The following LRRC4C variants were observed in gnomAD, a reference collection of about 807,000 sequenced individuals.
LRRC4C encodes the protein leucine rich repeat containing 4C.
LRRC4C carries 5 observed loss-of-function variants against 33.6 expected under a neutral mutation model. The observed-to-expected ratio is 0.15, with a 90% confidence interval of 0.08 to 0.31. The LOEUF is 0.31. Among genes scored for constraint, LRRC4C ranks in the 10% least tolerant of loss-of-function variants. The pLI, the probability that LRRC4C is intolerant of heterozygous loss-of-function variation, is 1.00. For missense variants in LRRC4C, 560 were observed against 796.7 expected (o/e 0.70, Z 3.58); for synonymous variants, 329 against 302.0 (o/e 1.09, Z -0.93).
intron 1 of LRRC4C, among the ~76,000 whole-genome samples, chr11:41,030,262 G>C (rs1856637747): frequency 1.3e-5 from 2 of 151,796 alleles, no homozygotes; most frequent in South Asian, 4.1e-4. Context: ...CATTATTTTT[G>C]CATGCAGAGC....
intron 3 of LRRC4C, among the ~76,000 whole-genome samples, chr11:40,391,385 A>G (rs1026325271): frequency 6.6e-6 from 1 of 152,316 alleles, no homozygotes; most frequent in South Asian, 2.1e-4. Flanking sequence ...CACCAACATC[A>G]TAATCTCTGT....
intron 2 of LRRC4C, among the ~76,000 whole-genome samples, chr11:40,849,419 T>A (rs912108269): frequency 6.6e-6 from 1 of 152,200 alleles, no homozygotes; most frequent in Non-Finnish European, 1.5e-5. Flanking sequence ...TGGGTGGATA[T>A]GAAATTCTAC....
At chr11:40,407,293 C>G (rs145724252) in intron 3 of LRRC4C, among the ~76,000 whole-genome samples, 1 of 152,178 alleles carries the variant, frequency 6.6e-6, no homozygotes, top group African/African-American at 2.4e-5. Context: ...CACACATGAG[C>G]CAAACTACAG....
chr11:40,803,897 T>C (rs1223366501), intron 2 of LRRC4C, among the ~76,000 whole-genome samples: 4 of 152,224 alleles, frequency 2.6e-5, no homozygotes, highest in African/African-American at 9.6e-5. Context: ...CACTCAAGCA[T>C]TTATCCTTTG....
intron 4 of LRRC4C, chr11:40,293,066 T>A (rs1422061301): frequency 6.6e-6 from 1 of 152,016 alleles, no homozygotes; most frequent in East Asian, 1.9e-4. Flanking sequence ...CACAACCCAG[T>A]GCGCAATTGA....
At chr11:41,373,243 T>C (rs544640264) in intron 1 of LRRC4C, among the ~76,000 whole-genome samples, 5 of 152,232 alleles carry the variant, frequency 3.3e-5, no homozygotes, top group African/African-American at 1.2e-4. Context: ...ATATATATAC[T>C]GTATTTGACA....
intron 1 of LRRC4C, among the ~76,000 whole-genome samples, chr11:41,239,387 C>CA (rs1170586291): frequency 1.3e-5 from 2 of 149,668 alleles, no homozygotes; most frequent in African/African-American, 4.9e-5. Context: ...GAGTAATTGC[C>CA]AAAATACTAT....
chr11:41,419,336 A>T (rs116120375), intron 1 of LRRC4C, among the ~76,000 whole-genome samples: 1,848 of 151,986 alleles, frequency 0.012, 39 homozygotes, highest in African/African-American at 0.043. Context: ...ATATAGGCTA[A>T]CTGTCCTTCC....
intron 3 of LRRC4C, among the ~76,000 whole-genome samples, chr11:40,530,603 T>C (rs367966873): frequency 1.1e-4 from 16 of 152,266 alleles, no homozygotes; most frequent in African/African-American, 3.6e-4. Flanking sequence ...GGAATAAACT[T>C]CAACAATGCC....
chr11:40,778,789 G>A (rs1950108028), intron 2 of LRRC4C, among the ~76,000 whole-genome samples: 2 of 152,118 alleles, frequency 1.3e-5, no homozygotes, highest in African/African-American at 2.4e-5. Flanking sequence ...AAAGACCTGT[G>A]GTTATGAAGT....
At chr11:40,902,052 T>C (rs1956233964) in intron 2 of LRRC4C, among the ~76,000 whole-genome samples, 1 of 147,562 alleles carries the variant, frequency 6.8e-6, no homozygotes, top group African/African-American at 2.5e-5. Flanking sequence ...ACACACCTCT[T>C]TTTGTTGAGC....
chr11:40,380,431 T>C (rs1489147655), intron 3 of LRRC4C, among the ~76,000 whole-genome samples: 1 of 152,180 alleles, frequency 6.6e-6, no homozygotes, highest in Non-Finnish European at 1.5e-5. Context: ...CTAAGCTATA[T>C]AATATAGTGG....
intron 3 of LRRC4C, among the ~76,000 whole-genome samples, chr11:40,428,859 G>A (rs1391419724): frequency 6.6e-6 from 1 of 152,144 alleles, no homozygotes; most frequent in East Asian, 1.9e-4. Context: ...CAATTTAAGA[G>A]CTCTGTTCCC....
chr11:41,004,752 ATGTT>A (rs1854617059), intron 1 of LRRC4C, among the ~76,000 whole-genome samples: 1 of 151,884 alleles, frequency 6.6e-6, no homozygotes, highest in Non-Finnish European at 1.5e-5. Context: ...GAGGGGGCAC[ATGTT>A]CTCAGGACCT....
chr11:40,400,063 C>T (rs567912775), intron 3 of LRRC4C, among the ~76,000 whole-genome samples: 1 of 152,080 alleles, frequency 6.6e-6, no homozygotes, highest in Non-Finnish European at 1.5e-5. Context: ...AGATGCATGT[C>T]TCCATCTTCA....
intron 1 of LRRC4C, among the ~76,000 whole-genome samples, chr11:41,249,037 T>G (rs1388365876): frequency 8.8e-6 from 1 of 113,298 alleles, no homozygotes; most frequent in African/African-American, 3.1e-5. Flanking sequence ...AGATACTGTC[T>G]TCTTTTTTTT....
At chr11:40,587,402 A>G (rs897938866) in intron 3 of LRRC4C, among the ~76,000 whole-genome samples, 1 of 148,116 alleles carries the variant, frequency 6.8e-6, no homozygotes, top group Non-Finnish European at 1.5e-5. Flanking sequence ...TTCTAGATAT[A>G]CAATCATGTC....
At chr11:40,597,257 T>C (rs562408129) in intron 3 of LRRC4C, among the ~76,000 whole-genome samples, 1 of 152,284 alleles carries the variant, frequency 6.6e-6, no homozygotes, top group East Asian at 1.9e-4. Flanking sequence ...ATATGCACCA[T>C]ATTAGTCAAG....
At chr11:41,391,039 G>A (rs1232831538) in intron 1 of LRRC4C, among the ~76,000 whole-genome samples, 2 of 150,948 alleles carry the variant, frequency 1.3e-5, no homozygotes, top group Non-Finnish European at 1.5e-5. Flanking sequence ...TTTTGTGAAA[G>A]GGTAAAGGTA....
Sources: allele counts gnomAD v4.1 joint callset (sites outside exome capture counted in the v4.1 genomes callset), GRCh38; gene constraint gnomAD v4.1.1; transcripts MANE v1.5; gene names NCBI Gene and HGNC (gene_info 2026-07-23, HGNC 2026-07-21).